Variants in RGSL1 observed in about 807,000 individuals in gnomAD.
RGSL1 encodes regulator of G protein signaling like 1.
RGSL1 carries 97 observed loss-of-function variants against 124.7 expected under a neutral mutation model. The ratio of observed to expected loss-of-function variants is 0.78; its 90% CI spans 0.66 to 0.92. RGSL1 has a LOEUF of 0.92. Ranked by LOEUF, RGSL1 falls within the 40% of genes least tolerant of loss-of-function variation. The probability of loss-of-function intolerance (pLI) is 0.00; values close to 1 mark genes in which losing one functional copy is unlikely to be tolerated. For synonymous variants in RGSL1, 424 were observed against 438.1 expected (o/e 0.97, Z 0.40); for missense variants, 1,233 against 1,288.4 (o/e 0.96, Z 0.66).
At chr1:182,504,729 TA>T (rs1352700273) in intron 9 of RGSL1, among the ~76,000 whole-genome samples, 1 of 152,168 alleles carries the variant, frequency 6.6e-6, no homozygotes, top group Non-Finnish European at 1.5e-5. Flanking sequence ...CCTGTGGTCA[TA>T]TAGAGTTTTG....
At chr1:182,509,652 C>G (rs1358285953) in intron 9 of RGSL1, among the ~76,000 whole-genome samples, 2 of 131,382 alleles carry the variant, frequency 1.5e-5, no homozygotes, top group African/African-American at 5.8e-5. Flanking sequence ...GACGGGGCGG[C>G]TGGCCGGGCG....
intron 12 of RGSL1, 62 bp from the exon 13 acceptor site, chr1:182,530,728 A>G (rs1659111959): frequency 6.8e-7 from 1 of 1,461,472 alleles, no homozygotes; most frequent in East Asian, 2.6e-5. Context: ...GTTTGCCTGG[A>G]CTGTCATCTT....
chr1:182,494,989 C>T (rs978640218), intron 9 of RGSL1, among the ~76,000 whole-genome samples: 18 of 152,200 alleles, frequency 1.2e-4, no homozygotes, highest in Admixed American at 4.6e-4. Flanking sequence ...TTATAAGCCC[C>T]GAGGTGGTGA....
At chr1:182,515,777 A>G (rs1307511414) in intron 9 of RGSL1, among the ~76,000 whole-genome samples, 3 of 152,188 alleles carry the variant, frequency 2.0e-5, no homozygotes, top group Non-Finnish European at 4.4e-5. Flanking sequence ...CATTGGGTGC[A>G]GCTCGTACGT....
chr1:182,521,390 A>G (rs1043679638), intron 9 of RGSL1, among the ~76,000 whole-genome samples: 12 of 152,228 alleles, frequency 7.9e-5, no homozygotes, highest in African/African-American at 2.7e-4. Flanking sequence ...ATTTTGATAT[A>G]TTTGGGAGAA....
intron 9 of RGSL1, among the ~76,000 whole-genome samples, chr1:182,513,813 A>T (rs1206463785): frequency 6.6e-6 from 1 of 152,116 alleles, no homozygotes. Flanking sequence ...CACTTGACAA[A>T]ATGAGGAGAT....
chr1:182,544,432 T>C (rs1221947241), intron 15 of RGSL1, among the ~76,000 whole-genome samples: 2 of 152,054 alleles, frequency 1.3e-5, no homozygotes, highest in African/African-American at 4.8e-5. Context: ...TTGAAGAATG[T>C]TCCATGTGCT....
intron 9 of RGSL1, among the ~76,000 whole-genome samples, chr1:182,519,915 TTATAA>T (rs753895514): frequency 6.6e-6 from 1 of 152,170 alleles, no homozygotes; most frequent in African/African-American, 2.4e-5. Flanking sequence ...TTACATTTTC[TTATAA>T]TATTGTCTAT....
chr1:182,485,361 T>G (rs745603200), intron 6 of RGSL1, among the ~76,000 whole-genome samples: 1 of 152,162 alleles, frequency 6.6e-6, no homozygotes, highest in Non-Finnish European at 1.5e-5. Context: ...TTTATTAGAA[T>G]GTAGTTATTC....
intron 19 of RGSL1, 143 bp from the exon 20 acceptor site, chr1:182,554,484 C>A (rs1357521884): frequency 4.4e-6 from 3 of 676,060 alleles, no homozygotes; most frequent in Non-Finnish European, 7.9e-6. Flanking sequence ...CTGGAACAGG[C>A]CTGCTTTACC....
intron 19 of RGSL1, 61 bp downstream of exon 19, chr1:182,553,602 C>A: frequency 7.0e-7 from 1 of 1,419,158 alleles, no homozygotes; most frequent in Non-Finnish European, 9.7e-7. Context: ...GACTTTAAAA[C>A]CAGCTTGGCC....
intron 13 of RGSL1, among the ~76,000 whole-genome samples, 181 bp downstream of exon 13, chr1:182,531,091 A>G (rs1388580294): frequency 6.6e-6 from 1 of 152,186 alleles, no homozygotes; most frequent in Non-Finnish European, 1.5e-5. Flanking sequence ...AGTAATAGGT[A>G]CAGGGGTTGG....
chr1:182,519,494 T>C (rs113262798), intron 9 of RGSL1, among the ~76,000 whole-genome samples: 2 of 151,882 alleles, frequency 1.3e-5, no homozygotes, highest in Non-Finnish European at 2.9e-5. Flanking sequence ...GTTCTTTTTT[T>C]CCCTTGTTTC....
intron 14 of RGSL1, among the ~76,000 whole-genome samples, chr1:182,533,290 T>TTGC (rs1364529447): frequency 4.1e-5 from 5 of 121,340 alleles, no homozygotes; most frequent in Non-Finnish European, 6.4e-5. Flanking sequence ...GATTTGTAAC[T>TTGC]TGCTTCTTTT....
intron 14 of RGSL1, among the ~76,000 whole-genome samples, chr1:182,539,037 G>GATTTA (rs1659725220): frequency 6.6e-6 from 1 of 152,182 alleles, no homozygotes; most frequent in South Asian, 2.1e-4. Context: ...ATTGGTAAGA[G>GATTTA]CCAGCTGTTA....
chr1:182,518,224 A>G (rs1658046253), intron 9 of RGSL1, among the ~76,000 whole-genome samples: 1 of 152,002 alleles, frequency 6.6e-6, no homozygotes, highest in South Asian at 2.1e-4. Context: ...AATAGAGATG[A>G]TGTCTCACCA....
chr1:182,468,937 A>G (rs1653581457), intron 4 of RGSL1, among the ~76,000 whole-genome samples: 1 of 152,120 alleles, frequency 6.6e-6, no homozygotes, highest in Non-Finnish European at 1.5e-5. Flanking sequence ...CATCTTTTCA[A>G]CAAACAGTCC....
Position 182,473,822 on chromosome 1 carries a change from G to A in RGSL1, c.711G>A (p.Lys237=). The A allele has an allele frequency of 4.5e-6, 7 of 1,551,728 alleles. No individual in the cohort carries two copies. Among genetic ancestry groups the A allele is most frequent in the Non-Finnish European group, 5.2e-6 (6 of 1,147,002 alleles). ...IGGLPLNMSI[K]KCHHFQKRYS... is the part of the protein sequence containing the mutation. ...GGCTCCCTCTGAACATGAGCATCAA[G>A]AAGTGCCACCACTTTCAGAAACGGT... The change falls in exon 6 of 22, where the codon AAG becomes AAA. Residue 237 remains lysine, a synonymous_variant. Coordinates refer to ENST00000294854, the MANE Select transcript of RGSL1 (RefSeq NM_001137669.2).
At chr1:182,453,220 C>G (rs1431413266) in intron 1 of RGSL1, among the ~76,000 whole-genome samples, 1 of 152,156 alleles carries the variant, frequency 6.6e-6, no homozygotes, top group African/African-American at 2.4e-5. Context: ...AAGCTCTTGT[C>G]AGGCAGTAAT....
Sources: allele counts gnomAD v4.1 joint callset (sites outside exome capture counted in the v4.1 genomes callset), GRCh38; gene constraint gnomAD v4.1.1; transcripts MANE v1.5; gene names NCBI Gene and HGNC (gene_info 2026-07-23, HGNC 2026-07-21).